NRXN3: variants seen among roughly 807,000 people sequenced by gnomAD.
NRXN3 encodes neurexin III.
NRXN3 carries 32 observed loss-of-function variants against 137.6 expected under a neutral mutation model. The observed-to-expected ratio is 0.23, with a 90% CI of 0.18 to 0.31. The LOEUF is 0.31. Ranked by LOEUF, NRXN3 falls within the 10% of genes least tolerant of loss-of-function variation. The pLI, the probability that NRXN3 is intolerant of heterozygous loss-of-function variation, is 1.00. For synonymous variants in NRXN3, 798 were observed against 784.5 expected, an observed-to-expected ratio of 1.02 and a Z score of -0.29; for missense variants, 1,574 against 2,062.5, an observed-to-expected ratio of 0.76 and a Z score of 4.59.
At chr14:79,370,214 G>A (rs2094046628) in intron 15 of NRXN3, among the ~76,000 whole-genome samples, 1 of 151,912 alleles carries the variant, frequency 6.6e-6, no homozygotes, top group Non-Finnish European at 1.5e-5. Flanking sequence ...ACACATTATT[G>A]CATTTAATTC....
intron 16 of NRXN3, among the ~76,000 whole-genome samples, chr14:79,535,942 C>T (rs1035999533): frequency 1.3e-5 from 2 of 152,124 alleles, no homozygotes; most frequent in African/African-American, 4.8e-5. Context: ...GGAGTGCTAT[C>T]GAGAGCCCAG....
At chr14:79,607,919 C>G (rs1215233258) in intron 16 of NRXN3, among the ~76,000 whole-genome samples, 1 of 152,120 alleles carries the variant, frequency 6.6e-6, no homozygotes. Flanking sequence ...GATCCACCAG[C>G]CTCAGTCTCC....
At chr14:78,583,754 A>C (rs940663969) in intron 4 of NRXN3, among the ~76,000 whole-genome samples, 3 of 152,122 alleles carry the variant, frequency 2.0e-5, no homozygotes, top group Non-Finnish European at 4.4e-5. Context: ...AGGGTGTTCA[A>C]AGCAGCATGA....
At chr14:78,541,041 A>T (rs1218148620) in intron 4 of NRXN3, among the ~76,000 whole-genome samples, 2 of 151,996 alleles carry the variant, frequency 1.3e-5, no homozygotes. Flanking sequence ...CTCTCTGGCT[A>T]CCCTTAACAC....
intron 8 of NRXN3, among the ~76,000 whole-genome samples, chr14:78,774,190 A>G (rs1272311788): frequency 6.6e-6 from 1 of 152,228 alleles, no homozygotes; most frequent in Non-Finnish European, 1.5e-5. Flanking sequence ...GCCAGACACT[A>G]TGGCCAGAAG....
At chr14:79,670,248 C>A (rs2098599627) in intron 17 of NRXN3, among the ~76,000 whole-genome samples, 1 of 151,990 alleles carries the variant, frequency 6.6e-6, no homozygotes, top group South Asian at 2.1e-4. Context: ...CCTTCATGTA[C>A]CTTCTGAACT....
At position 79,405,313 on chromosome 14, in the gene NRXN3, G is replaced by A. The variant is rs76951169; in HGVS notation, c.3263-61908G>A. Among the ~76,000 whole-genome samples, 1,190 of 152,178 alleles carry A rather than the reference G, an allele frequency of 7.8e-3. 18 individuals carry two copies. The highest frequency in any genetic ancestry group is 0.026 in the African/African-American group (1,083 of 41,520). On this transcript the variant is annotated intron_variant, in intron 15 of 20. Coordinates refer to ENST00000335750, the MANE Select transcript of NRXN3 (RefSeq NM_001330195.2). The stretch of plus-strand genomic sequence containing the variant: ...GCTTAAATGGGGATGTGCTATCATC[G>A]CTTTGTTATCAAGTTTAATGTCCTT...
At chr14:79,763,413 G>GTAATTATACACCCA (rs2099045555) in intron 19 of NRXN3, among the ~76,000 whole-genome samples, 2 of 67,162 alleles carry the variant, frequency 3.0e-5, no homozygotes, top group Admixed American at 1.9e-4. Flanking sequence ...ATAATCCTTT[G>GTAATTATACACCCA]GGTATACACC....
rs1603063885 is a variant in NRXN3 at position 79,612,474 on chromosome 14, T to C, written c.3445-51304T>C. Among the ~76,000 whole-genome samples, 5 of 152,158 alleles carry C rather than the reference T, an allele frequency of 3.3e-5. 1 individual carries two copies. The South Asian group carries it at 1.0e-3, about 32-fold the overall frequency. On this transcript the variant is annotated intron_variant, in intron 16 of 20. Coordinates refer to ENST00000335750, the MANE Select transcript of NRXN3 (RefSeq NM_001330195.2). Reference sequence around the variant, plus strand: ...AGCCAGCCAAAGGGTGGCAAACTGATGGAAAGTGGGGGCAAGCTTTCTGTA... The same window carrying C: ...AGCCAGCCAAAGGGTGGCAAACTGACGGAAAGTGGGGGCAAGCTTTCTGTA...
chr14:78,749,111 C>G (rs998377062), intron 8 of NRXN3, among the ~76,000 whole-genome samples: 1 of 152,074 alleles, frequency 6.6e-6, no homozygotes, highest in Non-Finnish European at 1.5e-5. Context: ...AAGGGGAGAA[C>G]AATAATTTCC....
intron 10 of NRXN3, among the ~76,000 whole-genome samples, chr14:78,872,227 T>C (rs2099103109): frequency 6.8e-6 from 1 of 147,620 alleles, no homozygotes; most frequent in Non-Finnish European, 1.5e-5. Flanking sequence ...TCTTTGCTAA[T>C]AAATATGTAT....
intron 4 of NRXN3, among the ~76,000 whole-genome samples, chr14:78,473,715 A>G (rs568593601): frequency 6.6e-6 from 1 of 152,226 alleles, no homozygotes; most frequent in African/African-American, 2.4e-5. Flanking sequence ...CATAGTAAAG[A>G]TGATAGCAAG....
intron 20 of NRXN3, among the ~76,000 whole-genome samples, chr14:79,852,828 CCTT>C (rs1481967696): frequency 1.3e-5 from 2 of 151,086 alleles, no homozygotes; most frequent in Non-Finnish European, 2.9e-5. Flanking sequence ...TTTTTTTCTC[CCTT>C]CTTGTTTGGG....
At chr14:79,130,085 A>G (rs1172156437) in intron 15 of NRXN3, among the ~76,000 whole-genome samples, 1 of 151,494 alleles carries the variant, frequency 6.6e-6, no homozygotes, top group East Asian at 1.9e-4. Flanking sequence ...TGCACGTGAG[A>G]TGGGTTTCCT....
At chr14:79,736,592 T>C (rs1488973660) in intron 19 of NRXN3, among the ~76,000 whole-genome samples, 1 of 152,100 alleles carries the variant, frequency 6.6e-6, no homozygotes, top group Non-Finnish European at 1.5e-5. Flanking sequence ...GGCCGGCAAT[T>C]CAAAGGAATG....
At chr14:79,800,256 G>A (rs1315080365) in intron 19 of NRXN3, among the ~76,000 whole-genome samples, 1 of 152,172 alleles carries the variant, frequency 6.6e-6, no homozygotes, top group East Asian at 1.9e-4. Context: ...GAATAGAAGA[G>A]TTTCCTAAAG....
At chr14:78,375,265 C>G (rs770588096) in intron 4 of NRXN3, among the ~76,000 whole-genome samples, 4 of 152,196 alleles carry the variant, frequency 2.6e-5, no homozygotes, top group Non-Finnish European at 5.9e-5. Flanking sequence ...AACTTTGCCT[C>G]TTTGCAAATT....
intron 15 of NRXN3, among the ~76,000 whole-genome samples, chr14:79,098,301 C>T (rs987865163): frequency 6.6e-6 from 1 of 152,132 alleles, no homozygotes; most frequent in African/African-American, 2.4e-5. Context: ...ACCCCAGTTC[C>T]TTAAAAATAT....
chr14:79,428,117 A>G (rs2095686400), intron 15 of NRXN3, among the ~76,000 whole-genome samples: 1 of 152,140 alleles, frequency 6.6e-6, no homozygotes. Context: ...CACTGCTTTA[A>G]TATCTGGCAA....
Sources: gnomAD v4.1 joint callset for allele counts (sites outside exome capture counted in the v4.1 genomes callset) on GRCh38, gnomAD v4.1.1 for gene constraint, MANE v1.5 for transcripts, NCBI Gene and HGNC (gene_info 2026-07-23, HGNC 2026-07-21) for gene names.